CFAP65: variants seen among roughly 807,000 people sequenced by gnomAD.
CFAP65 encodes the protein cilia and flagella associated protein 65.
A neutral mutation model predicts 208.0 loss-of-function variants in CFAP65; 155 were observed. The ratio of observed to expected loss-of-function variants is 0.75; its 90% CI spans 0.65 to 0.85. The LOEUF is 0.85. Ranked by LOEUF, CFAP65 falls within the 40% of genes least tolerant of loss-of-function variation. The pLI, the probability that CFAP65 is intolerant of heterozygous loss-of-function variation, is 0.00. For missense variants in CFAP65, 2,294 were observed against 2,451.3 expected (o/e 0.94, Z 1.36); for synonymous variants, 970 against 986.3 (o/e 0.98, Z 0.31).
chr2:219,026,762 G>A (rs1947659837), intron 13 of CFAP65: 2 of 986,224 alleles, frequency 2.0e-6, no homozygotes, highest in Non-Finnish European at 1.2e-6. Flanking sequence ...TGGCTGTACT[G>A]GACTGTGCAG....
Position 219,013,992 on chromosome 2 carries a change from G to T in CFAP65, c.3655C>A (p.Gln1219Lys). ...AGCTCAGTGGAATTCAACTCTGCTT[G>T]CTCTGCCCAGAGCTCCACGTCAATC... is the stretch of plus-strand genomic sequence containing the variant. ...QRIDVELWAE[Q>K]AELNSTELHQ... The change falls in exon 22 of 35, where the codon CAA (glutamine) becomes AAA (lysine). Residue 1219 changes from glutamine to lysine, a missense_variant. By Grantham distance (53) the Gln-to-Lys change is moderately conservative. Coordinates refer to ENST00000341552, the MANE Select transcript of CFAP65 (RefSeq NM_194302.4). The T allele has an allele frequency of 6.2e-7, 1 of 1,613,764 alleles. No individual in the cohort carries two copies. Among genetic ancestry groups the T allele is most frequent in the Non-Finnish European group, 8.5e-7 (1 of 1,179,900 alleles).
At chr2:219,040,121 C>T (rs191774391) in intron 2 of CFAP65, among the ~76,000 whole-genome samples, 1 of 152,228 alleles carries the variant, frequency 6.6e-6, no homozygotes, top group Non-Finnish European at 1.5e-5. Flanking sequence ...GCAACCTCCA[C>T]CTCCCAGGTT....
At position 219,026,139 on chromosome 2, in the gene CFAP65, ATTACTG is replaced by A. The variant is rs1947617199; in HGVS notation, c.2226_2231del (p.Ser743_Asn744del). On this transcript the variant is annotated inframe_deletion, in exon 14 of 35. Transcript: ENST00000341552. ...GGCACATGGTGCAGTCCTCCTCAATATTACTGTAGCTCTGCAGGACCTGCAGAGGGG... is the reference window on the plus strand; with the variant it reads ...GGCACATGGTGCAGTCCTCCTCAATATAGCTCTGCAGGACCTGCAGAGGGG... 2 of 1,613,030 alleles carry A rather than the reference ATTACTG, an allele frequency of 1.2e-6. No homozygotes were observed. Among genetic ancestry groups the A allele is most frequent in the Admixed American group, 1.7e-5 (1 of 59,992 alleles).
chr2:219,022,138 C>T (rs980665506), intron 17 of CFAP65, 33 bp downstream of exon 17: 11 of 1,536,280 alleles, frequency 7.2e-6, no homozygotes, highest in Admixed American at 2.0e-5. Flanking sequence ...GGCCTCTCCC[C>T]CAGCCCCCTC....
At chr2:219,035,763 C>T in intron 4 of CFAP65, 99 bp from the exon 5 acceptor site, 1 of 1,493,136 alleles carries the variant, frequency 6.7e-7, no homozygotes, top group Non-Finnish European at 8.9e-7. Flanking sequence ...TCCTCCACCA[C>T]CAAGAAAATA....
In CFAP65 at chr2:219,030,807, A is replaced by G. The variant is rs150571829; in HGVS notation, c.1043T>C (p.Ile348Thr). ...CTGGTCCTCCGGGCACTTGTGCTTT[A>G]TGCTCACCAGCAGCTGGGCGCACTT... ...VAKCAQLLVS[I>T]KHKCPEDQDA... is the part of the protein sequence containing the mutation. Residue 348 changes from isoleucine to threonine, a missense_variant, in exon 9 of 35, where the codon ATA (isoleucine) becomes ACA (threonine). Transcript: ENST00000341552. The G allele has an allele frequency of 1.9e-5, 30 of 1,613,986 alleles. No homozygotes were observed. The highest frequency in any genetic ancestry group is 2.7e-5 in the African/African-American group (2 of 74,912).
Position 219,035,583 on chromosome 2 carries a change from C to T in CFAP65, c.439G>A (p.Val147Met), listed in dbSNP as rs1277693163. Reference sequence around the variant, plus strand: ...CCTTTCCAATGCAGCTCCTCAGCCACCTCAATGCCCCAGATGACCCTCTTG... The same window carrying T: ...CCTTTCCAATGCAGCTCCTCAGCCATCTCAATGCCCCAGATGACCCTCTTG... ...VNKRVIWGIE[V>M]AEELHWKGWE... Residue 147 changes from valine to methionine, a missense_variant, in exon 5 of 35, where the codon GTG (valine) becomes ATG (methionine). Val to Met is a conservative substitution (Grantham distance 21). Around this residue, in one of 2 missense-constraint regions of CFAP65, gnomAD observed 867 missense variants for 1,012.6 expected, o/e 0.86. Coordinates refer to ENST00000341552, the MANE Select transcript of CFAP65 (RefSeq NM_194302.4). 2 of 1,614,118 alleles carry T rather than the reference C, an allele frequency of 1.2e-6. No homozygotes were observed. Among genetic ancestry groups the T allele is most frequent in the African/African-American group, 1.3e-5 (1 of 74,992 alleles).
chr2:219,019,634 G>A lies in CFAP65; in HGVS notation c.3345C>T (p.Ser1115=). 6.2e-7 allele frequency: 1 copy of A among 1,613,836 alleles called. No homozygotes were observed. Among genetic ancestry groups the A allele is most frequent in the East Asian group, 2.2e-5 (1 of 44,880 alleles). ...YPLLSILDVS[S]MGSAEGITRK... is the part of the protein sequence containing the mutation. ...GGGTGATACCCTCAGCACTGCCCAT[G>A]GAGCTGACATCCAGGATGGAAAGCA... is the stretch of plus-strand genomic sequence containing the variant. The change falls in exon 20 of 35, where the codon TCC becomes TCT. Residue 1115 remains serine, a synonymous_variant. Coordinates refer to ENST00000341552, the MANE Select transcript of CFAP65 (RefSeq NM_194302.4).
At position 219,013,550 on chromosome 2, in the gene CFAP65, A is replaced by G. The variant is rs1174928014; in HGVS notation, c.3815T>C (p.Leu1272Pro). ...CTCCCGGCCATGGGACACCTTGAAG[A>G]GCACTGGGAGGTGATCAGTACCGAT... ...LFIGTDHLPV[L>P]FKVSHGREIL... Residue 1272 changes from leucine (L) to proline (P), a missense_variant, in exon 23 of 35, where the codon CTC (leucine) becomes CCC (proline). Transcript: ENST00000341552. 6.2e-7 allele frequency: 1 copy of G among 1,601,566 alleles called. No homozygotes were observed. Among genetic ancestry groups the G allele is most frequent in the Admixed American group, 1.7e-5 (1 of 57,212 alleles).
At chr2:219,019,291 T>G (rs1381163212) in intron 20 of CFAP65, 112 bp from the exon 21 acceptor site, 5 of 1,379,982 alleles carry the variant, frequency 3.6e-6, no homozygotes, top group African/African-American at 2.9e-5. Flanking sequence ...CTGGAGAATC[T>G]GGGACTCAGG....
In CFAP65 at chr2:219,031,452, T is replaced by A. The variant is rs909768190; in HGVS notation, c.815+37A>T. The A allele has an allele frequency of 1.2e-6, 2 of 1,613,770 alleles. No individual in the cohort carries two copies. Among genetic ancestry groups the A allele is most frequent in the Admixed American group, 1.7e-5 (1 of 59,982 alleles). ...TGCTTCCAGACACCCTCCTCACAGC[T>A]CTTGCTCTCCCCGCCGCACCTCAGC... On this transcript the variant is annotated intron_variant, in intron 7 of 34. Coordinates refer to ENST00000341552, the MANE Select transcript of CFAP65 (RefSeq NM_194302.4). The surrounding 1 kb of genome is among the most constrained non-coding windows in gnomAD (Gnocchi z 5.2).
In CFAP65 at chr2:219,019,515, G is replaced by A. The variant is rs946946568; in HGVS notation, c.3464C>T (p.Thr1155Ile). The A allele has an allele frequency of 1.9e-6, 3 of 1,612,056 alleles. No homozygotes were observed. The highest frequency in any genetic ancestry group is 2.5e-6 in the Non-Finnish European group (3 of 1,179,784). ...TPCELTYKVP[T>I]RHSMSQIPPV... ...TCCAGGCTCAGCTCACCTGTGCCGG[G>A]TGGGCACCTTGTAGGTGAGCTCACA... The change falls in exon 20 of 35, where the codon ACC becomes ATC. Residue 1155 changes from threonine (T) to isoleucine (I), a missense_variant. Physicochemically the swap from Thr to Ile is moderately conservative, Grantham distance 89 (BLOSUM62 -1). Transcript: ENST00000341552.
At position 219,031,120 on chromosome 2, in the gene CFAP65, T is replaced by C. The variant is rs1258752353; in HGVS notation, c.1001A>G (p.Gln334Arg). ...TTGGGCCTCACCCACAGCCTGCAGC[T>C]GGATGCTGCTCCTCTGCCGGCTGCC... is the stretch of plus-strand genomic sequence containing the variant. ...GAGSRQRSSI[Q>R]LQAVAKCAQL... The change falls in exon 8 of 35, where the codon CAG (glutamine) becomes CGG (arginine). Residue 334 changes from glutamine (Q) to arginine (R), a missense_variant. Transcript: ENST00000341552. This position sits in a 1 kb window ranked among gnomAD's most constrained non-coding sequence, Gnocchi z 5.2. The C allele has an allele frequency of 4.4e-6, 7 of 1,593,372 alleles. No homozygotes were observed. Among genetic ancestry groups the C allele is most frequent in the Middle Eastern group, 1.7e-4 (1 of 5,986 alleles).
chr2:219,033,452 G>T (rs1453783437), intron 5 of CFAP65, among the ~76,000 whole-genome samples: 1 of 151,462 alleles, frequency 6.6e-6, no homozygotes, highest in Non-Finnish European at 1.5e-5. Context: ...CTCCAGCCTG[G>T]GCAAGGGAGT....
chr2:219,011,712 G>C (rs548204897), intron 24 of CFAP65, among the ~76,000 whole-genome samples: 2 of 152,308 alleles, frequency 1.3e-5, no homozygotes, highest in South Asian at 4.1e-4. Context: ...CTTCCTTTTA[G>C]AGATGAGAAA....
rs775604190 is a variant in CFAP65 at position 219,004,319 on chromosome 2, T to C, written c.5188A>G (p.Ile1730Val). Residue 1730 changes from isoleucine (I) to valine (V), a missense_variant, in exon 33 of 35, where the codon ATC (isoleucine) becomes GTC (valine). By Grantham distance (29) the Ile-to-Val change is conservative (BLOSUM62 3). This residue lies in a region of CFAP65 where 1,427 missense variants were observed against 1,438.7 expected (regional missense o/e 0.99). Coordinates refer to ENST00000341552, the MANE Select transcript of CFAP65 (RefSeq NM_194302.4). The surrounding 1 kb of genome is among the most constrained non-coding windows in gnomAD (Gnocchi z 4.7). ...DQKNSLYLMP[I>V]LPVPSSSWED... ...CAGCTGCTGGAGGGTACAGGCAGGA[T>C]TGGCATTAAGTACAGGCTGTTTTTC... 9 of 1,613,992 alleles carry C rather than the reference T, an allele frequency of 5.6e-6. No homozygotes were observed. The highest frequency in any genetic ancestry group is 1.3e-5 in the African/African-American group (1 of 74,908).
At chr2:219,008,912 G>T in intron 29 of CFAP65, 135 bp downstream of exon 29, 1 of 673,816 alleles carries the variant, frequency 1.5e-6, no homozygotes. Context: ...GCTGAGTCCA[G>T]TGAATGAAAT....
intron 13 of CFAP65, 89 bp from the exon 14 acceptor site, chr2:219,026,248 G>A: frequency 7.1e-7 from 1 of 1,411,666 alleles, no homozygotes; most frequent in Non-Finnish European, 9.7e-7. Flanking sequence ...CCCTTGTGCT[G>A]CAGGAGTCTG....
chr2:219,008,627 C>T (rs1354221643), intron 29 of CFAP65, among the ~76,000 whole-genome samples: 2 of 152,180 alleles, frequency 1.3e-5, no homozygotes, highest in East Asian at 3.8e-4. Context: ...CACCTGTAGT[C>T]CCAGCTACTC....
Sources: allele counts gnomAD v4.1 joint callset (sites outside exome capture counted in the v4.1 genomes callset), GRCh38; gene constraint gnomAD v4.1.1; regional missense constraint gnomAD v4.1.1; non-coding constraint Gnocchi (gnomAD v3.1); transcripts MANE v1.5; gene names NCBI Gene and HGNC (gene_info 2026-07-23, HGNC 2026-07-21).